The following RIMS1 variants were observed in gnomAD, a reference collection of about 807,000 sequenced individuals.
The protein encoded by RIMS1 is regulating synaptic membrane exocytosis 1, also known as regulating synaptic membrane exocytosis protein 1.
RIMS1 carries 83 observed loss-of-function variants against 214.1 expected under a neutral mutation model. The ratio of observed to expected loss-of-function variants is 0.39; its 90% CI spans 0.32 to 0.47. The LOEUF (loss-of-function observed/expected upper bound fraction) is 0.47. RIMS1 is among the 20% of genes least tolerant of loss of function. RIMS1 has a pLI of 0.99. For missense variants in RIMS1, 2,050 were observed against 2,161.8 expected (o/e 0.95, Z 1.03); for synonymous variants, 793 against 786.8 (o/e 1.01, Z -0.13).
chr6:72,249,562 A>C lies in RIMS1; in HGVS notation c.2242-768A>C, dbSNP rs1222482743. ...TAATCCCAGCACTTTGAGAGACTGA[A>C]GAGTTCAAGACTAGCCTGGCAACAT... is the stretch of plus-strand genomic sequence containing the variant. On this transcript the variant is annotated intron_variant, in intron 12 of 33. Transcript: ENST00000521978. Among the ~76,000 whole-genome samples, 3 of 152,044 alleles carry C rather than the reference A, an allele frequency of 2.0e-5. No homozygotes were observed. The East Asian group carries it at 5.8e-4, about 29-fold the overall frequency.
At chr6:72,203,161 G>A (rs181130127) in intron 6 of RIMS1, among the ~76,000 whole-genome samples, 2 of 152,014 alleles carry the variant, frequency 1.3e-5, no homozygotes, top group South Asian at 2.1e-4. Flanking sequence ...CTAATTTTTT[G>A]TATTTTTAAT....
At chr6:72,371,294 G>T (rs916245495) in intron 29 of RIMS1, among the ~76,000 whole-genome samples, 1 of 152,012 alleles carries the variant, frequency 6.6e-6, no homozygotes, top group South Asian at 2.1e-4. Flanking sequence ...AATTACAAGC[G>T]CTAGTAAGTC....
At chr6:72,083,325 CCTTT>C (rs1359810061) in intron 2 of RIMS1, among the ~76,000 whole-genome samples, 11 of 151,962 alleles carry the variant, frequency 7.2e-5, no homozygotes, top group Non-Finnish European at 1.5e-4. Context: ...TTTAGAATCT[CCTTT>C]CTTTTTTTTT....
chr6:71,963,327 T>A (rs904477780), intron 1 of RIMS1, among the ~76,000 whole-genome samples: 2 of 152,174 alleles, frequency 1.3e-5, no homozygotes, highest in African/African-American at 4.8e-5. Context: ...AGATCCATAC[T>A]TTCTTCATCG....
intron 2 of RIMS1, among the ~76,000 whole-genome samples, chr6:72,054,548 G>A (rs970187403): frequency 1.3e-5 from 2 of 152,106 alleles, no homozygotes; most frequent in African/African-American, 4.8e-5. Flanking sequence ...CACCGACAGT[G>A]TACAAGCGTT....
chr6:72,265,915 C>A, intron 21 of RIMS1, 45 bp from the exon 22 acceptor site: 1 of 1,353,140 alleles, frequency 7.4e-7, no homozygotes, highest in Non-Finnish European at 1.0e-6. Flanking sequence ...TCTTTGTTTT[C>A]TCTGTCTTTC....
At chr6:72,370,345 T>A (rs1482105766) in intron 29 of RIMS1, among the ~76,000 whole-genome samples, 1 of 152,228 alleles carries the variant, frequency 6.6e-6, no homozygotes, top group Non-Finnish European at 1.5e-5. Context: ...GGTACAACTG[T>A]TATGATTACT....
intron 1 of RIMS1, among the ~76,000 whole-genome samples, chr6:71,897,758 C>T (rs1177173820): frequency 6.6e-6 from 1 of 152,090 alleles, no homozygotes; most frequent in African/African-American, 2.4e-5. Flanking sequence ...TTGAATCCCT[C>T]ATATAAGCAT....
intron 2 of RIMS1, among the ~76,000 whole-genome samples, chr6:72,068,739 A>G (rs1002677425): frequency 2.0e-5 from 3 of 152,012 alleles, no homozygotes; most frequent in African/African-American, 4.8e-5. Flanking sequence ...GTGAAACCCC[A>G]TCTCTCCTAA....
intron 16 of RIMS1, 98 bp downstream of exon 16, chr6:72,252,930 A>G (rs938061765): frequency 2.4e-6 from 2 of 832,092 alleles, no homozygotes; most frequent in African/African-American, 1.7e-5. Flanking sequence ...CTGAAGATTT[A>G]TAGCACAGAG....
intron 2 of RIMS1, among the ~76,000 whole-genome samples, chr6:72,063,733 T>A (rs994471966): frequency 3.3e-5 from 5 of 152,220 alleles, no homozygotes; most frequent in Admixed American, 6.5e-5. Flanking sequence ...ATGTGGCCAC[T>A]GCATGTTTCT....
intron 6 of RIMS1, among the ~76,000 whole-genome samples, chr6:72,209,127 A>G (rs1012944913): frequency 6.6e-6 from 1 of 152,212 alleles, no homozygotes; most frequent in Non-Finnish European, 1.5e-5. Flanking sequence ...CATCATTACT[A>G]CACTTTGAAA....
intron 2 of RIMS1, among the ~76,000 whole-genome samples, chr6:72,044,095 GT>G (rs955918220): frequency 7.9e-5 from 12 of 151,476 alleles, no homozygotes; most frequent in Admixed American, 1.3e-4. Context: ...AAATAAATAG[GT>G]TTTTTAATTA....
intron 6 of RIMS1, among the ~76,000 whole-genome samples, chr6:72,204,799 A>G (rs1328620364): frequency 6.6e-6 from 1 of 152,004 alleles, no homozygotes; most frequent in Non-Finnish European, 1.5e-5. Context: ...TTTAATTTAT[A>G]GAAGTAATTA....
chr6:72,217,226 C>T lies in RIMS1; in HGVS notation c.1679-16547C>T, dbSNP rs941187470. 9.1e-6 allele frequency: 14 copies of T among 1,536,150 alleles called. No homozygotes were observed. The East Asian group carries it at 2.0e-4, about 21-fold the overall frequency. On this transcript the variant is annotated intron_variant, in intron 6 of 33. Transcript: ENST00000521978. ...TTTCTGCAGTTTCTACTACTTCATACATTGCACTCAGGAACAGGTAAACTA... is the reference window on the plus strand; with the variant it reads ...TTTCTGCAGTTTCTACTACTTCATATATTGCACTCAGGAACAGGTAAACTA...
chr6:72,079,409 T>C (rs564557167), intron 2 of RIMS1, among the ~76,000 whole-genome samples: 2 of 152,166 alleles, frequency 1.3e-5, no homozygotes, highest in South Asian at 4.2e-4. Flanking sequence ...GCCAATAGAG[T>C]GTCAAATAAA....
chr6:72,248,197 T>C, intron 12 of RIMS1, 70 bp downstream of exon 12: 1 of 903,672 alleles, frequency 1.1e-6, no homozygotes. Context: ...TCTTTAAATA[T>C]GTTCGCCTTT....
intron 1 of RIMS1, among the ~76,000 whole-genome samples, chr6:71,928,594 T>G (rs1163753196): frequency 6.6e-6 from 1 of 152,140 alleles, no homozygotes; most frequent in Non-Finnish European, 1.5e-5. Context: ...TTCACTCAAA[T>G]AACATTTATA....
At chr6:72,223,947 C>CAAAAAAAA (rs34645921) in intron 6 of RIMS1, among the ~76,000 whole-genome samples, 2 of 105,950 alleles carry the variant, frequency 1.9e-5, no homozygotes, top group East Asian at 2.6e-4. Flanking sequence ...GACTCCGTCT[C>CAAAAAAAA]AAAAAAAAAA....
Sources: gnomAD v4.1 joint callset for allele counts (sites outside exome capture counted in the v4.1 genomes callset) on GRCh38, gnomAD v4.1.1 for gene constraint, MANE v1.5 for transcripts, NCBI Gene and HGNC (gene_info 2026-07-23, HGNC 2026-07-21) for gene names.